Variants in ZNF608 observed in about 807,000 individuals in gnomAD.
ZNF608 encodes the protein renal carcinoma antigen NY-REN-36.
A neutral mutation model predicts 109.0 loss-of-function variants in ZNF608; 12 were observed. The ratio of observed to expected loss-of-function variants is 0.11; its 90% confidence interval spans 0.07 to 0.18. The LOEUF is 0.18. ZNF608 is among the 10% of genes least tolerant of loss of function. The pLI is 1.00. For synonymous variants in ZNF608, 732 were observed against 717.4 expected (o/e 1.02, Z -0.33); for missense variants, 1,707 against 1,879.3 (o/e 0.91, Z 1.70).
upstream of ZNF608, among the ~76,000 whole-genome samples, chr5:124,747,042 T>C (rs1360673037): frequency 4.6e-5 from 7 of 152,110 alleles, no homozygotes; most frequent in South Asian, 6.2e-4. Context: ...TCCTGTCTTA[T>C]GTTGTTTTAA....
chr5:124,694,920 G>A (rs1054044414), intron 3 of ZNF608, among the ~76,000 whole-genome samples: 2 of 152,172 alleles, frequency 1.3e-5, no homozygotes, highest in Non-Finnish European at 2.9e-5. Context: ...AAGCCGAGGG[G>A]AAAGTTCACA....
Position 124,710,051 on chromosome 5 carries a change from C to T in ZNF608, c.907-8782G>A, listed in dbSNP as rs80340670. 3.2e-3 allele frequency: 837 copies of T among 263,812 alleles called. 6 individuals carry two copies. The highest frequency in any genetic ancestry group is 0.017 in the African/African-American group (757 of 44,704). The allele number at this position is 263,812 out of a possible 1,614,324, so 16.3% of individuals were successfully genotyped here. ...CCTACATTAGCCAATAAATCAATTTCAAAACACATGAATAATGCATGTATC... is the reference window on the plus strand; with the variant it reads ...CCTACATTAGCCAATAAATCAATTTTAAAACACATGAATAATGCATGTATC... On this transcript the variant is annotated intron_variant, in intron 2 of 9. Coordinates refer to ENST00000513986, the MANE Select transcript of ZNF608 (RefSeq NM_020747.3).
intron 3 of ZNF608, among the ~76,000 whole-genome samples, chr5:124,686,052 C>T (rs1034748715): frequency 3.9e-5 from 6 of 152,166 alleles, no homozygotes; most frequent in African/African-American, 1.4e-4. Flanking sequence ...TTTAAGAAGA[C>T]TTTTAATTCA....
chr5:124,650,256 G>C (rs1280842365), intron 3 of ZNF608, among the ~76,000 whole-genome samples: 1 of 152,190 alleles, frequency 6.6e-6, no homozygotes, highest in East Asian at 1.9e-4. Flanking sequence ...AATCAACTAC[G>C]ATTTCACTTC....
intron 3 of ZNF608, among the ~76,000 whole-genome samples, chr5:124,688,382 G>C (rs1016751682): frequency 6.6e-6 from 1 of 152,160 alleles, no homozygotes. Flanking sequence ...TAAGGAGAAA[G>C]TCTCATTCCC....
Position 124,644,590 on chromosome 5 carries a change from T to A in ZNF608, c.3777A>T (p.Glu1259Asp). The change falls in exon 6 of 10, where the codon GAA (glutamate) becomes GAT (aspartate). Residue 1259 changes from glutamate (E) to aspartate (D), a missense_variant. Coordinates refer to ENST00000513986, the MANE Select transcript of ZNF608 (RefSeq NM_020747.3). ...PKYLDQQKSE[E>D]LDREKKLKED... ...CTTTTAATTTCTTCTCTCTATCAAGTTCTTCTGACTTTTGCTGATCCAGAT... is the reference window on the plus strand; with the variant it reads ...CTTTTAATTTCTTCTCTCTATCAAGATCTTCTGACTTTTGCTGATCCAGAT... 1 of 1,613,074 alleles carries A rather than the reference T, an allele frequency of 6.2e-7. No individual in the cohort carries two copies. The highest frequency in any genetic ancestry group is 8.5e-7 in the Non-Finnish European group (1 of 1,179,690).
rs763958222 is a variant in ZNF608, at chr5:124,647,491, G to C, written c.2893C>G (p.Pro965Ala). ...TCCTTACTAGAAATAATATCTGATG[G>C]GGAACTGGCCTTTGATCTCATACCC... The part of the protein sequence containing the change: ...SEGMRSKASS[P>A]SDIISSKDSV... Residue 965 changes from proline (P) to alanine (A), a missense_variant, in exon 5 of 10, where the codon CCA becomes GCA. Pro to Ala is a conservative substitution (Grantham distance 27). Around this residue, in one of 7 missense-constraint regions of ZNF608, gnomAD observed 1,073 missense variants for 1,133.5 expected, o/e 0.95. Transcript: ENST00000513986. 1 of 1,614,156 alleles carries C rather than the reference G, an allele frequency of 6.2e-7. No homozygotes were observed. Among genetic ancestry groups the C allele is most frequent in the South Asian group, 1.1e-5 (1 of 91,080 alleles).
At chr5:124,693,363 G>T (rs59622627) in intron 3 of ZNF608, among the ~76,000 whole-genome samples, 9,510 of 152,170 alleles carry the variant, frequency 0.062, 439 homozygotes, top group African/African-American at 0.12. Context: ...TTTACAGGAA[G>T]AAGATTAAAA....
chr5:124,684,280 C>G (rs1180206536), intron 3 of ZNF608, among the ~76,000 whole-genome samples: 1 of 152,160 alleles, frequency 6.6e-6, no homozygotes, highest in African/African-American at 2.4e-5. Context: ...CTTAACACTC[C>G]TTTGCTACCT....
At chr5:124,672,634 A>G (rs1275177942) in intron 3 of ZNF608, among the ~76,000 whole-genome samples, 1 of 152,238 alleles carries the variant, frequency 6.6e-6, no homozygotes, top group African/African-American at 2.4e-5. Flanking sequence ...ATCAGAATTT[A>G]GTGTTTTGAT....
chr5:124,710,388 A>G (rs771587813), intron 2 of ZNF608: 1 of 371,792 alleles, frequency 2.7e-6, no homozygotes, highest in South Asian at 2.1e-5. Context: ...AACTCAAAAC[A>G]TGCTGGTCAT....
chr5:124,714,561 T>C lies in ZNF608; in HGVS notation c.907-13292A>G, dbSNP rs137918496. 4.9e-4 allele frequency among the ~76,000 whole-genome samples: 74 copies of C among 152,346 alleles called. 1 individual carries two copies. The East Asian group carries it at 0.011, about 22-fold the overall frequency. Reference sequence around the variant, plus strand: ...ACTTACTAGTATAATCTTGAAAATTTACTTAACCTTTCTAAGCCTCAATTT... The same window carrying C: ...ACTTACTAGTATAATCTTGAAAATTCACTTAACCTTTCTAAGCCTCAATTT... On this transcript the variant is annotated intron_variant, in intron 2 of 9. Transcript: ENST00000513986.
intron 3 of ZNF608, among the ~76,000 whole-genome samples, chr5:124,684,764 G>C (rs1281401655): frequency 6.6e-6 from 1 of 152,090 alleles, no homozygotes; most frequent in Non-Finnish European, 1.5e-5. Flanking sequence ...GTACACTATA[G>C]TAACCTCAAA....
At position 124,646,794 on chromosome 5, in the gene ZNF608, C is replaced by T. The variant is rs1261749737; in HGVS notation, c.3590G>A (p.Ser1197Asn). The T allele has an allele frequency of 6.2e-7, 1 of 1,614,244 alleles. No homozygotes were observed. The highest frequency in any genetic ancestry group is 1.7e-5 in the Admixed American group (1 of 60,036). ...GTTTTCCATCTGCTTAGCTTTGAAG[C>T]TGTCGGCCTGAAGCTGCTGCTGGTG... ...SNHQQQLQADSFKAKQMENHQ... is the reference protein window; with the variant it reads ...SNHQQQLQADNFKAKQMENHQ... Residue 1197 changes from serine to asparagine, a missense_variant, in exon 5 of 10, where the codon AGC (serine) becomes AAC (asparagine). By Grantham distance (46) the Ser-to-Asn change is conservative. Transcript: ENST00000513986.
At chr5:124,671,641 C>CT (rs66998925) in intron 3 of ZNF608, among the ~76,000 whole-genome samples, 3,026 of 129,722 alleles carry the variant, frequency 0.023, 65 homozygotes, top group African/African-American at 0.036. Flanking sequence ...TGGGGCTTCT[C>CT]TTTTTTTTTT....
At position 124,746,635 on chromosome 5, in the gene ZNF608, G is replaced by A. The variant is rs980882214; in HGVS notation, c.-624C>T. On this transcript the variant is annotated 5_prime_UTR_variant, in exon 1 of 10. Coordinates refer to ENST00000513986, the MANE Select transcript of ZNF608 (RefSeq NM_020747.3). ...GTAGCAAACCTACAGGCGTCCGCTA[G>A]TAACGAGACAGAATGTGCTAACATC... 2.0e-6 allele frequency: 2 copies of A among 985,284 alleles called. No homozygotes were observed. The highest frequency in any genetic ancestry group is 3.5e-5 in the African/African-American group (2 of 57,212). The allele number at this position is 985,284 out of a possible 1,614,324, so 61.0% of individuals were successfully genotyped here. A position where few individuals can be genotyped will look rare whatever the true frequency, so the allele number is the denominator to read the frequency against.
rs765231643 is a variant in ZNF608 at position 124,648,107 on chromosome 5, C to A, written c.2277G>T (p.Thr759=). The change falls in exon 5 of 10, where the codon ACG becomes ACT. Residue 759 remains threonine, a synonymous_variant. Coordinates refer to ENST00000513986, the MANE Select transcript of ZNF608 (RefSeq NM_020747.3). The part of the protein sequence containing the change: ...LIAIPTATFT[T]TTTGTIPGLP... ...GTCCGGGTATTGTCCCAGTGGTGGT[C>A]GTTGTAAAGGTTGCAGTGGGTATAG... is the stretch of plus-strand genomic sequence containing the variant. The A allele has an allele frequency of 1.3e-6, 2 of 1,514,868 alleles. No individual in the cohort carries two copies. Among genetic ancestry groups the A allele is most frequent in the Admixed American group, 3.5e-5 (2 of 56,340 alleles). 93.8% of individuals were successfully genotyped at this position (1,514,868 alleles called of 1,614,324 possible).
intron 9 of ZNF608, among the ~76,000 whole-genome samples, chr5:124,638,288 A>C: frequency 6.8e-6 from 1 of 146,106 alleles, no homozygotes; most frequent in East Asian, 2.0e-4. Flanking sequence ...ACAGAGTCTC[A>C]CTCCATCACC....
intron 2 of ZNF608, among the ~76,000 whole-genome samples, chr5:124,729,438 A>G (rs1425680936): frequency 6.6e-6 from 1 of 152,212 alleles, no homozygotes; most frequent in African/African-American, 2.4e-5. Flanking sequence ...AAGTGGTATC[A>G]CACTGGAGCG....
Sources: allele counts gnomAD v4.1 joint callset (sites outside exome capture counted in the v4.1 genomes callset), GRCh38; gene constraint gnomAD v4.1.1; regional missense constraint gnomAD v4.1.1; transcripts MANE v1.5; gene names NCBI Gene and HGNC (gene_info 2026-07-23, HGNC 2026-07-21).